LANCL3: variants seen among roughly 807,000 people sequenced by gnomAD.
LANCL3 encodes the protein LanC like family member 3, also known as lanC-like protein 3.
Under a neutral mutation model 26.5 loss-of-function variants are expected in LANCL3, and 19 were observed. That is an observed-to-expected ratio of 0.72 (90% CI 0.50 to 1.05). The LOEUF is 1.05. Ranked by LOEUF, LANCL3 falls within the 50% of genes least tolerant of loss-of-function variation. The probability of loss-of-function intolerance (pLI) is 0.00; values close to 1 mark genes in which losing one functional copy is unlikely to be tolerated. For missense variants in LANCL3, 318 were observed against 362.7 expected (o/e 0.88, Z 1.00); for synonymous variants, 160 against 166.6 (o/e 0.96, Z 0.30).
chrX:37,604,793 T>A (rs782414920), intron 1 of LANCL3, among the ~76,000 whole-genome samples: 21 of 112,696 alleles, frequency 1.9e-4, no homozygotes, highest in African/African-American at 6.8e-4. Flanking sequence ...ACAAAGCAAG[T>A]CATGTAGCCA....
chrX:37,632,718 A>T (rs1355963995), intron 1 of LANCL3, among the ~76,000 whole-genome samples: 38 of 110,800 alleles, frequency 3.4e-4, no homozygotes, highest in African/African-American at 1.2e-3. Context: ...TATGAAGCTT[A>T]GTTTGGCTGG....
chrX:37,675,883 C>T lies in LANCL3; in HGVS notation c.*70C>T. The T allele has an allele frequency of 1.2e-6, 1 of 847,536 alleles. No homozygotes were observed. Among genetic ancestry groups the T allele is most frequent in the Non-Finnish European group, 1.6e-6 (1 of 643,164 alleles). The allele number at this position is 847,536 out of a possible 1,213,427, so 69.8% of individuals were successfully genotyped here. A position where few individuals can be genotyped will look rare whatever the true frequency, so the allele number is the denominator to read the frequency against. ...AAGCCGAGGCAGTTTCCACATAAGC[C>T]ACATTCAATGGTATCGCAACCATGA... is the stretch of plus-strand genomic sequence containing the variant. On this transcript the variant is annotated 3_prime_UTR_variant, in exon 5 of 5. Transcript: ENST00000378619.
At chrX:37,661,405 G>A (rs1264364179) in intron 3 of LANCL3, among the ~76,000 whole-genome samples, 1 of 111,609 alleles carries the variant, frequency 9.0e-6, no homozygotes, top group African/African-American at 3.3e-5. Context: ...TTCATGTTCA[G>A]TATCTAGAGA....
chrX:37,584,807 T>C (rs1305680226), intron 1 of LANCL3, among the ~76,000 whole-genome samples: 1 of 111,983 alleles, frequency 8.9e-6, no homozygotes, highest in Non-Finnish European at 1.9e-5. Flanking sequence ...TCAGTTCTGC[T>C]CTGATCTTAG....
intron 1 of LANCL3, among the ~76,000 whole-genome samples, chrX:37,577,164 G>A (rs781968409): frequency 8.9e-6 from 1 of 112,452 alleles, no homozygotes; most frequent in South Asian, 3.7e-4. Flanking sequence ...GATAACAAGG[G>A]GGACTGGTTA....
chrX:37,669,281 C>A (rs193110202), intron 4 of LANCL3, among the ~76,000 whole-genome samples: 55 of 111,425 alleles, frequency 4.9e-4, no homozygotes, highest in African/African-American at 1.7e-3. Context: ...CTGTAGCCTG[C>A]AACTCGTGGG....
chrX:37,666,112 G>C (rs947739533), intron 3 of LANCL3, among the ~76,000 whole-genome samples: 1 of 111,396 alleles, frequency 9.0e-6, no homozygotes, highest in Admixed American at 9.5e-5. Flanking sequence ...ACTTAAAAAG[G>C]GTATGAAATC....
At chrX:37,599,190 A>G (rs1367686571) in intron 1 of LANCL3, among the ~76,000 whole-genome samples, 1 of 111,996 alleles carries the variant, frequency 8.9e-6, no homozygotes, top group African/African-American at 3.2e-5. Context: ...AGACTGAGTA[A>G]TTAGAGTGAG....
intron 1 of LANCL3, among the ~76,000 whole-genome samples, chrX:37,587,198 C>T (rs187271100): frequency 8.9e-6 from 1 of 112,738 alleles, no homozygotes; most frequent in East Asian, 2.8e-4. Flanking sequence ...AGGTGTCAGT[C>T]TACCCCTACT....
At chrX:37,637,345 A>T (rs1432981491) in intron 1 of LANCL3, among the ~76,000 whole-genome samples, 1 of 111,963 alleles carries the variant, frequency 8.9e-6, no homozygotes, top group Non-Finnish European at 1.9e-5. Context: ...TTTATTTGAC[A>T]TAGCGATTTT....
chrX:37,675,797 T>A lies in LANCL3; in HGVS notation c.1247T>A (p.Phe416Tyr). The change falls in exon 5 of 5, where the codon TTC (phenylalanine) becomes TAC (tyrosine). Residue 416 changes from phenylalanine to tyrosine, a missense_variant. Transcript: ENST00000378619. Reference protein sequence around the residue: ...LQPNQAEFPLFSVFV With the variant: ...LQPNQAEFPLYSVFV ...CCCAATCAGGCTGAATTCCCACTCT[T>A]CAGCGTCTTTGTTTAGAAGGCTCTA... 1.7e-6 allele frequency: 2 copies of A among 1,151,994 alleles called. No individual in the cohort carries two copies. The highest frequency in any genetic ancestry group is 4.1e-5 in the South Asian group (2 of 49,019). 94.9% of individuals were successfully genotyped at this position (1,151,994 alleles called of 1,213,427 possible).
intron 1 of LANCL3, among the ~76,000 whole-genome samples, chrX:37,604,086 C>G (rs60423171): frequency 0.019 from 2,089 of 112,693 alleles, 66 homozygotes; most frequent in African/African-American, 0.064. Flanking sequence ...CTCAGCCTCC[C>G]TGAGCCATGT....
Position 37,572,291 on chromosome X carries a change from T to C in LANCL3, c.421T>C (p.Ser141Pro), listed in dbSNP as rs1556415755. 4 of 1,157,313 alleles carry C rather than the reference T, an allele frequency of 3.5e-6. No individual in the cohort carries two copies. In the Admixed American group the frequency reaches 1.0e-4, roughly 30 times the overall value. Residue 141 changes from serine (S) to proline (P), a missense_variant, in exon 1 of 5, where the codon TCC (serine) becomes CCC (proline). Coordinates refer to ENST00000378619, the MANE Select transcript of LANCL3 (RefSeq NM_001170331.2). Reference sequence around the variant, plus strand: ...GCTCGTATACCACGCCCTGGGCCGGTCCGACTACGTGCAGCCGCTGGGCAA... The same window carrying C: ...GCTCGTATACCACGCCCTGGGCCGGCCCGACTACGTGCAGCCGCTGGGCAA... ...ATLVYHALGR[S>P]DYVQPLGKFR...
intron 2 of LANCL3, among the ~76,000 whole-genome samples, chrX:37,659,121 C>A (rs1293414510): frequency 8.9e-6 from 1 of 112,793 alleles, no homozygotes; most frequent in Non-Finnish European, 1.9e-5. Flanking sequence ...CTGTAAAGGG[C>A]TAGAGACAGT....
intron 1 of LANCL3, among the ~76,000 whole-genome samples, chrX:37,616,415 A>G (rs782667041): frequency 1.2e-4 from 13 of 112,107 alleles, no homozygotes; most frequent in Non-Finnish European, 2.4e-4. Flanking sequence ...TAGCATCTCT[A>G]CATTGTAATG....
intron 1 of LANCL3, among the ~76,000 whole-genome samples, chrX:37,597,560 T>C (rs1378005317): frequency 9.1e-6 from 1 of 109,452 alleles, no homozygotes; most frequent in East Asian, 2.9e-4. Context: ...TCACCAAGGC[T>C]GGGGGTGCAG....
At position 37,642,624 on chromosome X, in the gene LANCL3, A is replaced by C. The variant is rs367988695; in HGVS notation, c.574-13064A>C. 6.2e-5 allele frequency among the ~76,000 whole-genome samples: 7 copies of C among 112,118 alleles called. No individual in the cohort carries two copies. The East Asian group carries it at 1.1e-3, about 18-fold the overall frequency. On this transcript the variant is annotated intron_variant, in intron 1 of 4. Coordinates refer to ENST00000378619, the MANE Select transcript of LANCL3 (RefSeq NM_001170331.2). ...ATTTTATTTCCATGTATTATGAAACAAAAAGCTTTCCATGAAGCTCCTGCA... is the reference window on the plus strand; with the variant it reads ...ATTTTATTTCCATGTATTATGAAACCAAAAGCTTTCCATGAAGCTCCTGCA...
intron 1 of LANCL3, among the ~76,000 whole-genome samples, chrX:37,639,041 G>A (rs1200554879): frequency 9.2e-6 from 1 of 108,332 alleles, no homozygotes; most frequent in Non-Finnish European, 1.9e-5. Context: ...TTCTGTTGAC[G>A]TATATTTAGG....
intron 4 of LANCL3, among the ~76,000 whole-genome samples, chrX:37,674,997 C>A (rs782119974): frequency 2.7e-5 from 3 of 111,827 alleles, no homozygotes; most frequent in Non-Finnish European, 5.7e-5. Flanking sequence ...ATATTTGTGG[C>A]AAATATGGGT....
Sources: allele counts gnomAD v4.1 joint callset (sites outside exome capture counted in the v4.1 genomes callset), GRCh38; gene constraint gnomAD v4.1.1; transcripts MANE v1.5; gene names NCBI Gene and HGNC (gene_info 2026-07-23, HGNC 2026-07-21).